ARB2A: variants seen among roughly 807,000 people sequenced by gnomAD.
The protein encoded by ARB2A is cotranscriptional regulator ARB2A.
the ARB2A span, among the ~76,000 whole-genome samples, chr5:93,634,813 T>C: frequency 0.17 from 26,132 of 152,098 alleles, 2,889 homozygotes; most frequent in African/African-American, 0.3. Flanking sequence ...TTTGCTCTTG[T>C]TGCCCAGGCT....
chr5:93,777,864 T>C, the ARB2A span, among the ~76,000 whole-genome samples: 2 of 152,138 alleles, frequency 1.3e-5, no homozygotes, highest in African/African-American at 2.4e-5. Flanking sequence ...GGAATGGCTT[T>C]TGAATAGATT....
the ARB2A span, among the ~76,000 whole-genome samples, chr5:93,723,976 A>G: frequency 6.6e-6 from 1 of 152,124 alleles, no homozygotes; most frequent in Non-Finnish European, 1.5e-5. Flanking sequence ...AGCAAGAGTC[A>G]TAACTGAATT....
At chr5:93,942,934 A>G in the ARB2A span, among the ~76,000 whole-genome samples, 1 of 152,084 alleles carries the variant, frequency 6.6e-6, no homozygotes, top group Non-Finnish European at 1.5e-5. Flanking sequence ...TTCCAGATTT[A>G]TGAACACACA....
chr5:93,811,215 G>A, the ARB2A span, among the ~76,000 whole-genome samples: 1 of 151,988 alleles, frequency 6.6e-6, no homozygotes, highest in Non-Finnish European at 1.5e-5. Flanking sequence ...GCCAACCAGG[G>A]GTTTGGCCAA....
At chr5:93,705,813 A>T in the ARB2A span, among the ~76,000 whole-genome samples, 1 of 152,138 alleles carries the variant, frequency 6.6e-6, no homozygotes, top group Non-Finnish European at 1.5e-5. Context: ...CAGAGAAATG[A>T]TTAGTAATGT....
chr5:93,941,816 G>A, the ARB2A span, among the ~76,000 whole-genome samples: 3 of 152,118 alleles, frequency 2.0e-5, no homozygotes, highest in Non-Finnish European at 4.4e-5. Context: ...ATAGATATTA[G>A]GCATAAGAGA....
the ARB2A span, chr5:93,824,117 TG>T: frequency 1.3e-6 from 2 of 1,503,510 alleles, no homozygotes; most frequent in East Asian, 2.5e-5. Context: ...ACAAGGAGAC[TG>T]GAACTACAGA....
At chr5:93,671,616 T>G in the ARB2A span, among the ~76,000 whole-genome samples, 1 of 152,076 alleles carries the variant, frequency 6.6e-6, no homozygotes, top group Non-Finnish European at 1.5e-5. Context: ...CAAAATTTGA[T>G]TTACAAAAAA....
chr5:93,763,291 T>G, the ARB2A span, among the ~76,000 whole-genome samples: 1 of 152,092 alleles, frequency 6.6e-6, no homozygotes, highest in African/African-American at 2.4e-5. Context: ...TGTGCTGTAT[T>G]CAGGAAACCC....
chr5:94,079,643 T>A, the ARB2A span, among the ~76,000 whole-genome samples: 1 of 152,180 alleles, frequency 6.6e-6, no homozygotes, highest in African/African-American at 2.4e-5. Flanking sequence ...TTTCTGTTAT[T>A]AGGAAGTATT....
chr5:94,002,894 T>A, the ARB2A span, among the ~76,000 whole-genome samples: 1 of 152,030 alleles, frequency 6.6e-6, no homozygotes, highest in Non-Finnish European at 1.5e-5. Flanking sequence ...GATAAGAAGA[T>A]AAGGCATCCC....
the ARB2A span, among the ~76,000 whole-genome samples, chr5:93,795,289 C>T: frequency 2.6e-5 from 4 of 152,322 alleles, no homozygotes; most frequent in East Asian, 7.7e-4. Context: ...GTCCTAAAGG[C>T]CAGTCTCACT....
At chr5:93,642,195 C>CT in the ARB2A span, among the ~76,000 whole-genome samples, 681 of 137,886 alleles carry the variant, frequency 4.9e-3, 3 homozygotes, top group African/African-American at 0.01. Flanking sequence ...GTTGCCTAGG[C>CT]TTTTTTTTTT....
At chr5:93,625,272 TA>T in the ARB2A span, among the ~76,000 whole-genome samples, 1 of 152,184 alleles carries the variant, frequency 6.6e-6, no homozygotes, top group East Asian at 1.9e-4. Context: ...ATCTCGTAAG[TA>T]GGTAGATTAT....
chr5:93,775,971 G>T, the ARB2A span, among the ~76,000 whole-genome samples: 2 of 152,252 alleles, frequency 1.3e-5, no homozygotes, highest in East Asian at 3.9e-4. Context: ...GAGTTTGTTG[G>T]TAAGCATTTT....
chr5:94,002,865 T>C, the ARB2A span, among the ~76,000 whole-genome samples: 1 of 152,050 alleles, frequency 6.6e-6, no homozygotes, highest in Non-Finnish European at 1.5e-5. Context: ...ATCCTAAACA[T>C]ACACTCATAA....
the ARB2A span, among the ~76,000 whole-genome samples, chr5:94,031,650 A>C: frequency 6.6e-6 from 1 of 152,236 alleles, no homozygotes. Context: ...TTGCTAAAAG[A>C]ATTAATATGG....
At chr5:94,000,169 T>C in the ARB2A span, among the ~76,000 whole-genome samples, 4 of 152,146 alleles carry the variant, frequency 2.6e-5, no homozygotes, top group African/African-American at 9.6e-5. Flanking sequence ...TCAACTTCTT[T>C]GGTTAAATAC....
chr5:93,779,124 T>TGTGTGTGC, the ARB2A span, among the ~76,000 whole-genome samples: 417 of 146,370 alleles, frequency 2.8e-3, 1 homozygote, highest in African/African-American at 8.3e-3. Flanking sequence ...TGTGTGTGTG[T>TGTGTGTGC]GCGCGCGCGC....
Sources: allele counts gnomAD v4.1 joint callset (sites outside exome capture counted in the v4.1 genomes callset), GRCh38; gene constraint gnomAD v4.1.1; transcripts MANE v1.5; gene names NCBI Gene and HGNC (gene_info 2026-07-23, HGNC 2026-07-21).